Variants in NNT observed in about 807,000 individuals in gnomAD.
NNT encodes NAD(P) transhydrogenase, mitochondrial.
NNT carries 50 observed loss-of-function variants against 104.8 expected under a neutral mutation model. That is an observed-to-expected ratio of 0.48 (90% confidence interval 0.38 to 0.60). The LOEUF is 0.60. Among genes scored for constraint, NNT ranks in the 20% least tolerant of loss-of-function variants. The pLI, the probability that NNT is intolerant of heterozygous loss-of-function variation, is 0.00. For synonymous variants in NNT, 461 were observed against 490.4 expected (o/e 0.94, Z 0.79); for missense variants, 1,131 against 1,330.7 (o/e 0.85, Z 2.33).
At chr5:43,689,541 C>A (rs1742156601) in intron 19 of NNT, among the ~76,000 whole-genome samples, 1 of 152,084 alleles carries the variant, frequency 6.6e-6, no homozygotes. Flanking sequence ...AGATTTAAGT[C>A]TTTGATCCAT....
Position 43,609,091 on chromosome 5 carries a change from G to A in NNT, c.-53-52G>A, listed in dbSNP as rs181440392. 67 of 834,166 alleles carry A rather than the reference G, an allele frequency of 8.0e-5. No homozygotes were observed. The East Asian group carries it at 1.6e-3, about 20-fold the overall frequency. The allele number at this position is 834,166 out of a possible 1,614,324, so 51.7% of individuals were successfully genotyped here. A position where few individuals can be genotyped will look rare whatever the true frequency, so the allele number is the denominator to read the frequency against. ...TTTAAAATGTTTTTCATGTTTAAAA[G>A]ACAAATAGTTTTTTTCTTGGCATAT... is the stretch of plus-strand genomic sequence containing the variant. On this transcript the variant is annotated intron_variant, in intron 1 of 21. Coordinates refer to ENST00000344920, the MANE Select transcript of NNT (RefSeq NM_182977.3).
intron 7 of NNT, among the ~76,000 whole-genome samples, chr5:43,641,722 A>G (rs1751250289): frequency 6.6e-6 from 1 of 152,200 alleles, no homozygotes; most frequent in Non-Finnish European, 1.5e-5. Flanking sequence ...TAAACTTGTT[A>G]TAGTGATACC....
At position 43,645,584 on chromosome 5, in the gene NNT, T is replaced by A. The variant is rs548768484; in HGVS notation, c.1444+74T>A. ...AGTTATATATATATATATCTATAGA[T>A]ATATGTGTAGCTATATATACGTATA... On this transcript the variant is annotated intron_variant, in intron 10 of 21. Transcript: ENST00000344920. 8 of 906,998 alleles carry A rather than the reference T, an allele frequency of 8.8e-6. No homozygotes were observed. In the East Asian group the frequency reaches 2.9e-4, roughly 33 times the overall value. The allele number at this position is 906,998 out of a possible 1,614,324, so 56.2% of individuals were successfully genotyped here.
At chr5:43,657,792 T>C (rs75739069) in intron 16 of NNT, among the ~76,000 whole-genome samples, 10,072 of 152,238 alleles carry the variant, frequency 0.066, 564 homozygotes, top group African/African-American at 0.15. Flanking sequence ...AATTTTGATA[T>C]TTTTAATCTA....
At chr5:43,610,289 G>A (rs1749437008) in intron 2 of NNT, among the ~76,000 whole-genome samples, 2 of 149,866 alleles carry the variant, frequency 1.3e-5, no homozygotes, top group East Asian at 2.0e-4. Flanking sequence ...AAGGGGACCC[G>A]AGCAGGTTGT....
intron 17 of NNT, among the ~76,000 whole-genome samples, chr5:43,670,021 T>C (rs1740962225): frequency 6.6e-6 from 1 of 152,220 alleles, no homozygotes; most frequent in Middle Eastern, 3.2e-3. Flanking sequence ...AGGGTGTATG[T>C]GTCCAGGAAT....
chr5:43,616,243 G>C (rs1749780318), intron 4 of NNT, among the ~76,000 whole-genome samples, 178 bp downstream of exon 4: 2 of 152,134 alleles, frequency 1.3e-5, no homozygotes, highest in Non-Finnish European at 1.5e-5. Flanking sequence ...AATTAGATAG[G>C]AAATGAACTC....
intron 17 of NNT, among the ~76,000 whole-genome samples, chr5:43,665,569 A>G (rs1363326325): frequency 6.6e-6 from 1 of 152,236 alleles, no homozygotes; most frequent in Non-Finnish European, 1.5e-5. Context: ...ATAGATTTAC[A>G]GCATCCCAAG....
chr5:43,635,137 G>A (rs1278126603), intron 7 of NNT, among the ~76,000 whole-genome samples: 2 of 152,070 alleles, frequency 1.3e-5, no homozygotes, highest in African/African-American at 2.4e-5. Context: ...TATTAGTTAG[G>A]GTGGTCTAGC....
intron 15 of NNT, 54 bp downstream of exon 15, chr5:43,656,127 G>C (rs1740032409): frequency 2.1e-6 from 3 of 1,446,526 alleles, no homozygotes; most frequent in Non-Finnish European, 2.9e-6. Context: ...GGGCATTTAG[G>C]GATCCATTTT....
chr5:43,610,612 T>C (rs1206047856), intron 2 of NNT, among the ~76,000 whole-genome samples: 3 of 152,244 alleles, frequency 2.0e-5, no homozygotes, highest in Admixed American at 6.5e-5. Context: ...TCTAAACTGC[T>C]AGGTGTTTTG....
chr5:43,661,250 T>C (rs1315430996), intron 17 of NNT, among the ~76,000 whole-genome samples: 2 of 152,154 alleles, frequency 1.3e-5, no homozygotes, highest in Non-Finnish European at 2.9e-5. Flanking sequence ...TTTATGAAAT[T>C]GTACTAGAAA....
At position 43,673,784 on chromosome 5, in the gene NNT, C is replaced by T. The variant is rs1211519776; in HGVS notation, c.2635-1727C>T. Among the ~76,000 whole-genome samples, 4 of 152,040 alleles carry T rather than the reference C, an allele frequency of 2.6e-5. No individual in the cohort carries two copies. In the East Asian group the frequency reaches 5.8e-4, roughly 22 times the overall value. On this transcript the variant is annotated intron_variant, in intron 17 of 21. Coordinates refer to ENST00000344920, the MANE Select transcript of NNT (RefSeq NM_182977.3). ...ATGTAATCCCAGCACTTTGGGAGGC[C>T]GAGGCAGGCAGATCACTTGTGGTCA...
At chr5:43,606,888 A>G (rs754131480) in intron 1 of NNT, among the ~76,000 whole-genome samples, 2 of 152,206 alleles carry the variant, frequency 1.3e-5, no homozygotes, top group Non-Finnish European at 2.9e-5. Context: ...ATGAATAAAT[A>G]TGCTCCCTGG....
intron 19 of NNT, among the ~76,000 whole-genome samples, chr5:43,690,185 T>G (rs1025574579): frequency 6.6e-6 from 1 of 151,586 alleles, no homozygotes; most frequent in South Asian, 2.1e-4. Flanking sequence ...CCTGGAGAAT[T>G]CATCACAAAA....
At chr5:43,635,855 T>C (rs1002909357) in intron 7 of NNT, among the ~76,000 whole-genome samples, 10 of 152,188 alleles carry the variant, frequency 6.6e-5, no homozygotes, top group Non-Finnish European at 1.3e-4. Flanking sequence ...TGTCTCTAAA[T>C]ACAGCCATAT....
At chr5:43,618,387 A>G (rs955657364) in intron 4 of NNT, among the ~76,000 whole-genome samples, 2 of 152,218 alleles carry the variant, frequency 1.3e-5, no homozygotes, top group Non-Finnish European at 2.9e-5. Flanking sequence ...AGGTCAGTAT[A>G]TCGGAAAATC....
intron 19 of NNT, among the ~76,000 whole-genome samples, chr5:43,684,555 A>T (rs892544928): frequency 2.7e-5 from 4 of 147,762 alleles, no homozygotes; most frequent in African/African-American, 9.9e-5. Context: ...CTCATCGGGA[A>T]TTTTTTTTTT....
At chr5:43,644,075 AAG>A in intron 7 of NNT, 115 bp from the exon 8 acceptor site, 2 of 959,416 alleles carry the variant, frequency 2.1e-6, no homozygotes, top group Non-Finnish European at 3.1e-6. Flanking sequence ...GTCTCTTGGA[AAG>A]AGTTAAAATT....
Sources: allele counts gnomAD v4.1 joint callset (sites outside exome capture counted in the v4.1 genomes callset), GRCh38; gene constraint gnomAD v4.1.1; transcripts MANE v1.5; gene names NCBI Gene and HGNC (gene_info 2026-07-23, HGNC 2026-07-21).